The following RANBP17 variants were observed in gnomAD, a reference collection of about 807,000 sequenced individuals.
RANBP17 encodes ran-binding protein 17.
RANBP17 carries 158 observed loss-of-function variants against 141.2 expected under a neutral mutation model. That is an observed-to-expected ratio of 1.12 (90% CI 0.98 to 1.28). The LOEUF is 1.28. Among genes scored for constraint, RANBP17 ranks in the 50% most tolerant of loss-of-function variants. RANBP17 has a pLI of 0.00. For missense variants in RANBP17, 1,438 were observed against 1,290.7 expected (o/e 1.11, Z -1.75); for synonymous variants, 430 against 450.0 (o/e 0.96, Z 0.56).
At chr5:171,001,203 G>T (rs1402906031) in intron 14 of RANBP17, among the ~76,000 whole-genome samples, 1 of 152,146 alleles carries the variant, frequency 6.6e-6, no homozygotes, top group Non-Finnish European at 1.5e-5. Flanking sequence ...AGATTCAACT[G>T]AAGAAAGATT....
intron 14 of RANBP17, among the ~76,000 whole-genome samples, chr5:171,164,621 A>G (rs1380960715): frequency 6.6e-6 from 1 of 152,224 alleles, no homozygotes; most frequent in African/African-American, 2.4e-5. Context: ...ACGGCTAAGA[A>G]AACAAATATA....
chr5:170,969,193 T>G (rs1776810499), intron 14 of RANBP17, among the ~76,000 whole-genome samples: 1 of 151,870 alleles, frequency 6.6e-6, no homozygotes, highest in South Asian at 2.1e-4. Context: ...ATTTTTTGTT[T>G]GATTTTAAGA....
At chr5:171,205,411 A>G (rs1395559184) in intron 19 of RANBP17, 113 bp from the exon 20 acceptor site, 1 of 811,124 alleles carries the variant, frequency 1.2e-6, no homozygotes, top group Non-Finnish European at 2.0e-6. Flanking sequence ...TCTGAACGAG[A>G]CATTTTAGCT....
At chr5:171,076,899 A>C (rs1784959781) in intron 14 of RANBP17, among the ~76,000 whole-genome samples, 1 of 152,236 alleles carries the variant, frequency 6.6e-6, no homozygotes, top group East Asian at 1.9e-4. Context: ...GTAATTGAGT[A>C]GAGGAATGTT....
At chr5:170,943,077 G>A (rs912904535) in intron 12 of RANBP17, among the ~76,000 whole-genome samples, 1 of 152,052 alleles carries the variant, frequency 6.6e-6, no homozygotes, top group African/African-American at 2.4e-5. Flanking sequence ...AAGGTCAGTG[G>A]GAAAGAATCT....
rs545722663 is a variant in RANBP17 at position 171,119,317 on chromosome 5, A to G, written c.1711-50813A>G. ...GTTTTTGCATCTGTGTCCATGAGGG[A>G]TATTGGCCTGTAGCTTTGATTTTTT... On this transcript the variant is annotated intron_variant, in intron 14 of 27. Coordinates refer to ENST00000523189, the MANE Select transcript of RANBP17 (RefSeq NM_022897.5). 3.3e-5 allele frequency among the ~76,000 whole-genome samples: 5 copies of G among 152,164 alleles called. No homozygotes were observed. The East Asian group carries it at 9.7e-4, about 29-fold the overall frequency.
chr5:171,091,603 G>C lies in RANBP17; in HGVS notation c.1711-78527G>C, dbSNP rs753523091. 2.0e-5 allele frequency among the ~76,000 whole-genome samples: 3 copies of C among 152,190 alleles called. No individual in the cohort carries two copies. In the East Asian group the frequency reaches 5.8e-4, roughly 29 times the overall value. On this transcript the variant is annotated intron_variant, in intron 14 of 27. Transcript: ENST00000523189. Reference sequence around the variant, plus strand: ...AGGAGTGGAATGATATGGTTTGGCTGTGTCCCCACCCAAATCTCATCTTGA... The same window carrying C: ...AGGAGTGGAATGATATGGTTTGGCTCTGTCCCCACCCAAATCTCATCTTGA...
At chr5:171,166,720 G>A (rs1224167234) in intron 14 of RANBP17, among the ~76,000 whole-genome samples, 1 of 152,040 alleles carries the variant, frequency 6.6e-6, no homozygotes, top group East Asian at 1.9e-4. Context: ...CAAATGTTTG[G>A]AGACATTTTC....
chr5:171,220,044 A>G (rs1278372975), intron 21 of RANBP17, among the ~76,000 whole-genome samples: 12 of 151,880 alleles, frequency 7.9e-5, no homozygotes, highest in Admixed American at 5.9e-4. Flanking sequence ...TCTACCTTCA[A>G]TCTTTGAGGC....
At chr5:170,981,775 C>T (rs939048967) in intron 14 of RANBP17, among the ~76,000 whole-genome samples, 5 of 152,018 alleles carry the variant, frequency 3.3e-5, no homozygotes, top group Admixed American at 1.3e-4. Context: ...GATGTATAAG[C>T]GGTATCTGTC....
intron 14 of RANBP17, among the ~76,000 whole-genome samples, chr5:171,159,986 G>T (rs1013845449): frequency 6.7e-6 from 1 of 150,054 alleles, no homozygotes; most frequent in Non-Finnish European, 1.5e-5. Flanking sequence ...CTATTGATCT[G>T]AATGGGGAAA....
intron 16 of RANBP17, among the ~76,000 whole-genome samples, chr5:171,171,968 C>A (rs1581786628): frequency 6.6e-6 from 1 of 151,884 alleles, no homozygotes; most frequent in East Asian, 1.9e-4. Flanking sequence ...ATATTTCTAA[C>A]AACTAGAGAG....
At chr5:170,989,597 A>T (rs1778371712) in intron 14 of RANBP17, among the ~76,000 whole-genome samples, 2 of 151,938 alleles carry the variant, frequency 1.3e-5, no homozygotes, top group Admixed American at 1.3e-4. Context: ...TAAGAAGATA[A>T]TCATTGGATA....
chr5:170,894,954 C>T (rs1468184525), intron 4 of RANBP17, among the ~76,000 whole-genome samples: 1 of 152,088 alleles, frequency 6.6e-6, no homozygotes, highest in African/African-American at 2.4e-5. Context: ...TTGTCATGGA[C>T]GAGTAACAAA....
At chr5:171,182,680 A>C (rs753984959) in intron 16 of RANBP17, among the ~76,000 whole-genome samples, 2 of 152,224 alleles carry the variant, frequency 1.3e-5, no homozygotes, top group Non-Finnish European at 2.9e-5. Flanking sequence ...ACTTGATGAC[A>C]TGCAGTCTGC....
intron 14 of RANBP17, among the ~76,000 whole-genome samples, chr5:171,102,215 A>G (rs1415862007): frequency 5.3e-5 from 8 of 152,098 alleles, no homozygotes; most frequent in Non-Finnish European, 1.2e-4. Flanking sequence ...TCTTCCCGTC[A>G]CTTTCCAGTA....
intron 18 of RANBP17, among the ~76,000 whole-genome samples, chr5:171,198,246 G>A (rs1762091681): frequency 6.6e-6 from 1 of 152,238 alleles, no homozygotes; most frequent in African/African-American, 2.4e-5. Context: ...CCAGTTGACA[G>A]AGAAGAGATT....
At chr5:171,044,299 T>G (rs1268631028) in intron 14 of RANBP17, among the ~76,000 whole-genome samples, 1 of 152,018 alleles carries the variant, frequency 6.6e-6, no homozygotes, top group African/African-American at 2.4e-5. Flanking sequence ...CAAATTAATT[T>G]TTTTTCACAA....
At chr5:170,879,283 A>G (rs759526479) in intron 2 of RANBP17, among the ~76,000 whole-genome samples, 38 of 152,164 alleles carry the variant, frequency 2.5e-4, no homozygotes, top group Non-Finnish European at 5.0e-4. Flanking sequence ...AAATGTTGAT[A>G]TTTGCCTTTT....
Sources: gnomAD v4.1 joint callset for allele counts (sites outside exome capture counted in the v4.1 genomes callset) on GRCh38, gnomAD v4.1.1 for gene constraint, MANE v1.5 for transcripts, NCBI Gene and HGNC (gene_info 2026-07-23, HGNC 2026-07-21) for gene names.